PDE4D: variants seen among roughly 807,000 people sequenced by gnomAD.
PDE4D encodes 3',5'-cyclic-AMP phosphodiesterase 4D.
Under a neutral mutation model 87.4 loss-of-function variants are expected in PDE4D, and 24 were observed. The ratio of observed to expected loss-of-function variants is 0.27; its 90% CI spans 0.20 to 0.39. The LOEUF (loss-of-function observed/expected upper bound fraction) is 0.39, where lower values mean the gene tolerates loss of function less well. Among genes scored for constraint, PDE4D ranks in the 10% least tolerant of loss-of-function variants. The probability of loss-of-function intolerance (pLI) is 1.00; values close to 1 mark genes in which losing one functional copy is unlikely to be tolerated. For synonymous variants in PDE4D, 384 were observed against 383.2 expected (o/e 1.00, Z -0.02); for missense variants, 714 against 1,041.0 (o/e 0.69, Z 4.32).
intron 1 of PDE4D, among the ~76,000 whole-genome samples, chr5:59,464,541 G>A (rs1479979495): frequency 6.6e-6 from 1 of 152,168 alleles, no homozygotes; most frequent in Non-Finnish European, 1.5e-5. Context: ...TTGTGACCCT[G>A]ACACATCCCC....
intron 1 of PDE4D, among the ~76,000 whole-genome samples, chr5:59,725,593 G>A (rs1294864940): frequency 1.3e-5 from 2 of 152,088 alleles, no homozygotes; most frequent in Non-Finnish European, 2.9e-5. Flanking sequence ...TCAATGGAAT[G>A]CACTGCATAT....
chr5:59,779,711 T>G (rs1219506080), intron 1 of PDE4D, among the ~76,000 whole-genome samples: 1 of 152,224 alleles, frequency 6.6e-6, no homozygotes, highest in Admixed American at 6.5e-5. Flanking sequence ...AATAGTATGG[T>G]TATTTCATAT....
intron 1 of PDE4D, among the ~76,000 whole-genome samples, chr5:59,721,576 T>A (rs1430311797): frequency 6.6e-6 from 1 of 152,172 alleles, no homozygotes; most frequent in Non-Finnish European, 1.5e-5. Flanking sequence ...CTTAATCATT[T>A]TCCAAGGTAG....
At position 59,163,746 on chromosome 5, in the gene PDE4D, C is replaced by T. The variant is rs182023672; in HGVS notation, c.808+16849G>A. Among the ~76,000 whole-genome samples, 122 of 152,266 alleles carry T rather than the reference C, an allele frequency of 8.0e-4. No homozygotes were observed. The Middle Eastern group carries it at 0.017, about 21-fold the overall frequency. ...TTCAGAGTGGCAACTGGGGTATATT[C>T]CTATTTTCCCATATTTTAAATCTGC... On this transcript the variant is annotated intron_variant, in intron 5 of 14. Transcript: ENST00000340635.
At chr5:60,503,020 C>T (rs1750156791) in intron 1 of PDE4D, among the ~76,000 whole-genome samples, 1 of 152,102 alleles carries the variant, frequency 6.6e-6, no homozygotes, top group Non-Finnish European at 1.5e-5. Flanking sequence ...CTCTCAGCAG[C>T]AAGCCTAACT....
At chr5:60,298,322 T>C (rs745869675) in intron 1 of PDE4D, among the ~76,000 whole-genome samples, 37 of 152,172 alleles carry the variant, frequency 2.4e-4, no homozygotes, top group Non-Finnish European at 3.7e-4. Context: ...TCCACCTTCA[T>C]AGCCATTTGG....
chr5:60,017,347 A>C (rs1028332105), intron 2 of PDE4D, among the ~76,000 whole-genome samples: 6 of 152,302 alleles, frequency 3.9e-5, no homozygotes, highest in Admixed American at 2.6e-4. Context: ...GGTTTGTCAC[A>C]TAGATAAATG....
intron 1 of PDE4D, among the ~76,000 whole-genome samples, chr5:59,381,106 C>G (rs1404035053): frequency 6.6e-6 from 1 of 152,140 alleles, no homozygotes; most frequent in Non-Finnish European, 1.5e-5. Context: ...TTACAATGCC[C>G]TTTAATTCCA....
chr5:59,910,618 T>A (rs2152769733), intron 3 of PDE4D, among the ~76,000 whole-genome samples: 1 of 152,380 alleles, frequency 6.6e-6, no homozygotes, highest in African/African-American at 2.4e-5. Flanking sequence ...TCATTTTGAC[T>A]GTTTTATACC....
At chr5:59,830,252 C>A (rs750480099) in intron 1 of PDE4D, among the ~76,000 whole-genome samples, 1 of 152,046 alleles carries the variant, frequency 6.6e-6, no homozygotes, top group South Asian at 2.1e-4. Flanking sequence ...GTTCCAGCAC[C>A]TCATTTGTTA....
At chr5:59,817,999 G>A (rs1769190170) in intron 1 of PDE4D, among the ~76,000 whole-genome samples, 2 of 152,168 alleles carry the variant, frequency 1.3e-5, no homozygotes, top group African/African-American at 4.8e-5. Context: ...ATAAAGGGGT[G>A]GAGAGAGATC....
chr5:60,257,209 TGAAAGAAAGAAAGAGAAA>T (rs1749150763), intron 1 of PDE4D, among the ~76,000 whole-genome samples: 1 of 90,004 alleles, frequency 1.1e-5, no homozygotes. Flanking sequence ...AAAGAATGAA[TGAAAGAAAGAAAGAGAAA>T]GAAAGAAAGA....
At chr5:59,145,251 T>C (rs141541576) in intron 5 of PDE4D, among the ~76,000 whole-genome samples, 177 of 152,290 alleles carry the variant, frequency 1.2e-3, no homozygotes, top group African/African-American at 3.8e-3. Flanking sequence ...CAGTGATTTT[T>C]CTGAATTTAC....
intron 1 of PDE4D, among the ~76,000 whole-genome samples, chr5:59,379,100 T>C (rs1785271344): frequency 6.6e-6 from 1 of 152,092 alleles, no homozygotes; most frequent in South Asian, 2.1e-4. Context: ...TGTTCCTTCC[T>C]GGTCTTCACT....
At chr5:60,022,039 G>A (rs1404562144) in intron 2 of PDE4D, among the ~76,000 whole-genome samples, 1 of 152,122 alleles carries the variant, frequency 6.6e-6, no homozygotes. Flanking sequence ...TGTGTAATTA[G>A]TAGAAACAAA....
chr5:59,131,207 A>T (rs1274711201), intron 5 of PDE4D, among the ~76,000 whole-genome samples: 1 of 152,134 alleles, frequency 6.6e-6, no homozygotes, highest in Non-Finnish European at 1.5e-5. Flanking sequence ...AGCAATTTGT[A>T]TGTTGCCTTC....
chr5:59,156,320 A>T (rs74396533), intron 5 of PDE4D, among the ~76,000 whole-genome samples: 6,480 of 81,182 alleles, frequency 0.08, 393 homozygotes, highest in Middle Eastern at 0.13. Flanking sequence ...AAAAAAAAAA[A>T]ATATATATAT....
chr5:60,380,845 C>A (rs572433572), intron 1 of PDE4D, among the ~76,000 whole-genome samples: 1 of 152,302 alleles, frequency 6.6e-6, no homozygotes, highest in African/African-American at 2.4e-5. Flanking sequence ...TTAATCACAT[C>A]TCATTTAATC....
intron 1 of PDE4D, among the ~76,000 whole-genome samples, chr5:60,371,263 T>A (rs1210061759): frequency 6.6e-6 from 1 of 152,198 alleles, no homozygotes; most frequent in African/African-American, 2.4e-5. Flanking sequence ...GCAGCTGATG[T>A]AATATTGTAT....
Sources: gnomAD v4.1 joint callset for allele counts (sites outside exome capture counted in the v4.1 genomes callset) on GRCh38, gnomAD v4.1.1 for gene constraint, MANE v1.5 for transcripts, NCBI Gene and HGNC (gene_info 2026-07-23, HGNC 2026-07-21) for gene names.